The following TTC23 variants were observed in gnomAD, a reference collection of about 807,000 sequenced individuals.
TTC23 encodes tetratricopeptide repeat domain 23, also known as tetratricopeptide repeat protein 23.
In TTC23, 58 loss-of-function variants were observed where a neutral mutation model predicts 55.1. The ratio of observed to expected loss-of-function variants is 1.05; its 90% CI spans 0.85 to 1.31. TTC23 has a LOEUF of 1.31. TTC23 is among the 50% of genes most tolerant of loss of function. The pLI is 0.00. For missense variants in TTC23, 516 were observed against 534.4 expected, an observed-to-expected ratio of 0.97 and a Z score of 0.34; for synonymous variants, 203 against 199.9, an observed-to-expected ratio of 1.02 and a Z score of -0.13.
intron 9 of TTC23, among the ~76,000 whole-genome samples, chr15:99,195,012 T>C (rs1035098732): frequency 6.6e-6 from 1 of 152,208 alleles, no homozygotes; most frequent in African/African-American, 2.4e-5. Flanking sequence ...CTAGATGACC[T>C]TGGACTTGGT....
chr15:99,225,904 C>A (rs1199336528), intron 5 of TTC23, among the ~76,000 whole-genome samples: 2 of 152,232 alleles, frequency 1.3e-5, no homozygotes, highest in Non-Finnish European at 2.9e-5. Flanking sequence ...TGTACGAAGA[C>A]AAACAGACAT....
At chr15:99,147,822 GGT>G (rs1453758733) in intron 12 of TTC23, among the ~76,000 whole-genome samples, 1 of 152,100 alleles carries the variant, frequency 6.6e-6, no homozygotes, top group Non-Finnish European at 1.5e-5. Context: ...GGCGTGGCGT[GGT>G]GGCTCTGTGG....
upstream of TTC23, among the ~76,000 whole-genome samples, chr15:99,250,653 T>C (rs1567586263): frequency 6.6e-6 from 1 of 152,364 alleles, no homozygotes; most frequent in East Asian, 1.9e-4. Flanking sequence ...TTCATGCTAT[T>C]TCGCTGACAT....
chr15:99,247,662 C>G (rs2080365512), intron 1 of TTC23, among the ~76,000 whole-genome samples: 1 of 152,036 alleles, frequency 6.6e-6, no homozygotes, highest in Non-Finnish European at 1.5e-5. Flanking sequence ...AATTTATAGA[C>G]AGAAAGTTTT....
chr15:99,214,016 A>C (rs2077247501), intron 8 of TTC23, among the ~76,000 whole-genome samples: 1 of 152,242 alleles, frequency 6.6e-6, no homozygotes, highest in Admixed American at 6.5e-5. Flanking sequence ...ACAATGGTAT[A>C]TGAGAGAGCA....
intron 3 of TTC23, among the ~76,000 whole-genome samples, chr15:99,240,170 G>C (rs2079649922): frequency 6.6e-6 from 1 of 152,234 alleles, no homozygotes; most frequent in Admixed American, 6.5e-5. Flanking sequence ...CATTTAGTGG[G>C]AGGCAGAAAA....
chr15:99,239,433 C>T (rs1315616984), intron 3 of TTC23, among the ~76,000 whole-genome samples: 3 of 151,464 alleles, frequency 2.0e-5, no homozygotes, highest in Non-Finnish European at 2.9e-5. Context: ...TGCAGTGAGC[C>T]GAGACCACAC....
At chr15:99,176,674 T>C (rs546761284) in intron 9 of TTC23, among the ~76,000 whole-genome samples, 1 of 152,162 alleles carries the variant, frequency 6.6e-6, no homozygotes, top group Non-Finnish European at 1.5e-5. Flanking sequence ...CAAAACACAC[T>C]AGCAATTCAT....
At chr15:99,168,550 C>T (rs868815329) in intron 10 of TTC23, among the ~76,000 whole-genome samples, 4 of 152,170 alleles carry the variant, frequency 2.6e-5, no homozygotes, top group African/African-American at 7.2e-5. Context: ...AAGTTCTGAA[C>T]GCAAATTACA....
chr15:99,204,915 C>T (rs141784754), intron 8 of TTC23, among the ~76,000 whole-genome samples: 1 of 152,222 alleles, frequency 6.6e-6, no homozygotes, highest in Non-Finnish European at 1.5e-5. Flanking sequence ...GGACTACAGG[C>T]ATGTGCCCCA....
rs1453500995 is a variant in TTC23 at position 99,137,324 on chromosome 15, G to A, written c.*686C>T. ...TGTCCTGCCTGCAGTGGAGGCCACA[G>A]GAGGGATGCGAAGCAGCAGGGAGTC... On this transcript the variant is annotated 3_prime_UTR_variant, in exon 14 of 14. Transcript: ENST00000394132. The A allele has an allele frequency of 1.3e-5, 2 of 152,376 alleles. No homozygotes were observed. Among genetic ancestry groups the A allele is most frequent in the African/African-American group, 4.8e-5 (2 of 41,460 alleles). 9.4% of individuals were successfully genotyped at this position (152,376 alleles called of 1,614,324 possible).
intron 12 of TTC23, among the ~76,000 whole-genome samples, chr15:99,141,268 T>C (rs574171061): frequency 1.6e-4 from 25 of 152,252 alleles, no homozygotes; most frequent in African/African-American, 5.1e-4. Flanking sequence ...TATAACCACA[T>C]AGATGAATCT....
intron 9 of TTC23, among the ~76,000 whole-genome samples, chr15:99,183,992 C>T (rs941780846): frequency 6.6e-6 from 1 of 152,168 alleles, no homozygotes; most frequent in Admixed American, 6.5e-5. Context: ...GGCAAAGGTA[C>T]AGCTTGGGTG....
At position 99,200,088 on chromosome 15, in the gene TTC23, T is replaced by C. The variant is rs773991266; in HGVS notation, c.590A>G (p.Gln197Arg). 6.3e-7 allele frequency: 1 copy of C among 1,586,942 alleles called. No individual in the cohort carries two copies. The highest frequency in any genetic ancestry group is 2.3e-5 in the East Asian group (1 of 44,392). Reference protein sequence around the residue: ...RIRLSFAQVYQGQKKSKEALS... With the variant: ...RIRLSFAQVYRGQKKSKEALS... ...AGCTTCTTTTGACTTCTTCTGACCTTGATACACCCTAAAAAAATCAAAGGA... is the reference window on the plus strand; with the variant it reads ...AGCTTCTTTTGACTTCTTCTGACCTCGATACACCCTAAAAAAATCAAAGGA... The change falls in exon 9 of 14, where the codon CAA (glutamine) becomes CGA (arginine). Residue 197 changes from glutamine (Q) to arginine (R), a missense_variant. By Grantham distance (43) the Gln-to-Arg change is conservative (BLOSUM62 1). Transcript: ENST00000394132.
At chr15:99,183,572 C>G (rs970239102) in intron 9 of TTC23, among the ~76,000 whole-genome samples, 2 of 145,764 alleles carry the variant, frequency 1.4e-5, no homozygotes. Flanking sequence ...ATCTCCTGAC[C>G]TTGTGATCCA....
At position 99,156,229 on chromosome 15, in the gene TTC23, C is replaced by T; in HGVS notation, c.1062G>A (p.Glu354=). 1.2e-6 allele frequency: 2 copies of T among 1,614,262 alleles called. No individual in the cohort carries two copies. The highest frequency in any genetic ancestry group is 2.2e-5 in the South Asian group (2 of 91,088). The stretch of plus-strand genomic sequence containing the variant: ...CCAGGAGCCGGTATGTCTCTGCCAC[C>T]TCGGGACTGAAATCGCCAAATGCTT... ...KVEAFGDFSP[E]VAETYRLLGG... The change falls in exon 12 of 14, where the codon GAG becomes GAA. Residue 354 remains glutamate (E), a synonymous_variant. Transcript: ENST00000394132.
intron 6 of TTC23, among the ~76,000 whole-genome samples, chr15:99,220,818 C>A (rs2077861240): frequency 6.6e-6 from 1 of 152,204 alleles, no homozygotes; most frequent in Admixed American, 6.5e-5. Flanking sequence ...TCCATCTTGT[C>A]TTAGGCTGCA....
intron 12 of TTC23, among the ~76,000 whole-genome samples, chr15:99,148,870 CG>C (rs1330942408): frequency 1.3e-5 from 2 of 152,198 alleles, no homozygotes; most frequent in Non-Finnish European, 2.9e-5. Context: ...ATCAATAATA[CG>C]GTTTCCTTTT....
chr15:99,237,336 C>G (rs2079405869), intron 3 of TTC23, among the ~76,000 whole-genome samples: 1 of 151,974 alleles, frequency 6.6e-6, no homozygotes, highest in African/African-American at 2.4e-5. Flanking sequence ...AAAAGACTTA[C>G]ATACAAATGT....
Sources: allele counts gnomAD v4.1 joint callset (sites outside exome capture counted in the v4.1 genomes callset), GRCh38; gene constraint gnomAD v4.1.1; transcripts MANE v1.5; gene names NCBI Gene and HGNC (gene_info 2026-07-23, HGNC 2026-07-21).